SAXO1: variants seen among roughly 807,000 people sequenced by gnomAD.
The protein encoded by SAXO1 is stabilizer of axonemal microtubules 1.
Under a neutral mutation model 17.5 loss-of-function variants are expected in SAXO1, and 21 were observed. That is an observed-to-expected ratio of 1.20 (90% CI 0.85 to 1.72). The LOEUF is 1.72. Among genes scored for constraint, SAXO1 ranks in the 40% most tolerant of loss-of-function variants. The pLI, the probability that SAXO1 is intolerant of heterozygous loss-of-function variation, is 0.00. For missense variants in SAXO1, 843 were observed against 596.0 expected, an observed-to-expected ratio of 1.41 and a Z score of -4.32; for synonymous variants, 274 against 216.5, an observed-to-expected ratio of 1.27 and a Z score of -2.33.
At chr9:19,010,794 G>A (rs1834700692) in intron 1 of SAXO1, among the ~76,000 whole-genome samples, 1 of 152,208 alleles carries the variant, frequency 6.6e-6, no homozygotes, top group Non-Finnish European at 1.5e-5. Flanking sequence ...CAGGGGCAGT[G>A]AGGAGGGGAA....
At chr9:18,961,589 T>G in intron 1 of SAXO1, among the ~76,000 whole-genome samples, 1 of 152,096 alleles carries the variant, frequency 6.6e-6, no homozygotes, top group East Asian at 1.9e-4. Flanking sequence ...CATGTGGTGT[T>G]TGCTTTTCTG....
At chr9:19,040,778 G>C (rs1836060834) in intron 1 of SAXO1, among the ~76,000 whole-genome samples, 1 of 152,080 alleles carries the variant, frequency 6.6e-6, no homozygotes. Context: ...CAGTTGCCTG[G>C]GTCTCAGGGT....
intron 1 of SAXO1, among the ~76,000 whole-genome samples, chr9:18,961,411 C>G (rs1563945730): frequency 6.6e-6 from 1 of 152,180 alleles, no homozygotes; most frequent in Non-Finnish European, 1.5e-5. Flanking sequence ...CATAGGTATA[C>G]ATGTGCCATG....
At chr9:18,938,829 T>C (rs935829315) in intron 3 of SAXO1, among the ~76,000 whole-genome samples, 6 of 115,534 alleles carry the variant, frequency 5.2e-5, no homozygotes, top group Non-Finnish European at 1.1e-4. Context: ...TGCGTGTGTG[T>C]GTGTGTGTGT....
chr9:18,930,304 G>A (rs1183022082), intron 3 of SAXO1, among the ~76,000 whole-genome samples: 2 of 152,134 alleles, frequency 1.3e-5, no homozygotes, highest in Non-Finnish European at 2.9e-5. Context: ...TGGGAGGCCT[G>A]GACCCCAAGG....
intron 1 of SAXO1, among the ~76,000 whole-genome samples, chr9:19,015,993 ATTCTC>A (rs1255136885): frequency 6.6e-6 from 1 of 152,166 alleles, no homozygotes; most frequent in Non-Finnish European, 1.5e-5. Flanking sequence ...TCTCCAGTTG[ATTCTC>A]AGGTACACTG....
chr9:19,039,875 C>A (rs556128155), intron 1 of SAXO1, among the ~76,000 whole-genome samples: 5 of 151,816 alleles, frequency 3.3e-5, no homozygotes, highest in African/African-American at 7.3e-5. Context: ...ATTACAGGCG[C>A]CTGCCACCAC....
rs545091249 is a variant in SAXO1, at chr9:18,988,228, G to C, written c.39-37291C>G. On this transcript the variant is annotated intron_variant, in intron 1 of 3. Transcript: ENST00000380534. ...ATCAGCAATAAAAAAGCATTTATCA[G>C]TGATAAAGAGCACAGCATCTTCTGT... Among the ~76,000 whole-genome samples the C allele has an allele frequency of 3.0e-3, 460 of 152,336 alleles. 8 individuals are homozygous for C. The South Asian group carries it at 0.044, about 15-fold the overall frequency.
intron 2 of SAXO1, among the ~76,000 whole-genome samples, chr9:18,945,562 C>A (rs961181568): frequency 2.6e-5 from 4 of 152,204 alleles, no homozygotes; most frequent in African/African-American, 9.7e-5. Flanking sequence ...AGATCCTTGG[C>A]TGAATCACAG....
chr9:19,003,261 A>C (rs1322848360), intron 1 of SAXO1, among the ~76,000 whole-genome samples: 2 of 152,234 alleles, frequency 1.3e-5, no homozygotes, highest in African/African-American at 4.8e-5. Flanking sequence ...AACAAACGGA[A>C]GAATATTCCA....
intron 1 of SAXO1, among the ~76,000 whole-genome samples, chr9:18,991,331 G>A (rs1833802270): frequency 6.6e-6 from 1 of 152,156 alleles, no homozygotes; most frequent in Admixed American, 6.5e-5. Context: ...GTCCATCAAT[G>A]ACAGACTGGA....
intron 1 of SAXO1, among the ~76,000 whole-genome samples, chr9:19,019,456 G>T (rs1312455904): frequency 6.6e-6 from 1 of 151,902 alleles, no homozygotes; most frequent in Non-Finnish European, 1.5e-5. Flanking sequence ...GGCCGGACAA[G>T]GTTGGCTCAC....
chr9:19,010,366 A>C (rs1375079247), intron 1 of SAXO1, among the ~76,000 whole-genome samples: 1 of 151,996 alleles, frequency 6.6e-6, no homozygotes, highest in Non-Finnish European at 1.5e-5. Flanking sequence ...CTTTCCATCA[A>C]GCTCCCTTCT....
At chr9:19,047,381 A>G (rs1297135297) in intron 1 of SAXO1, among the ~76,000 whole-genome samples, 1 of 152,128 alleles carries the variant, frequency 6.6e-6, no homozygotes, top group African/African-American at 2.4e-5. Context: ...AAGAAAAAAA[A>G]TACATTAGAG....
rs185221164 is a variant in SAXO1, at chr9:19,004,667, G to A, written c.38+28204C>T. Among the ~76,000 whole-genome samples the A allele has an allele frequency of 2.0e-5, 3 of 152,264 alleles. No individual in the cohort carries two copies. In the East Asian group the frequency reaches 5.8e-4, roughly 29 times the overall value. On this transcript the variant is annotated intron_variant, in intron 1 of 3. Coordinates refer to ENST00000380534, the MANE Select transcript of SAXO1 (RefSeq NM_153707.4). ...CACTCACAAGTGGGAGTTGAACAATGAGAACACTTGGACACAGGGCGGGGA... is the reference window on the plus strand; with the variant it reads ...CACTCACAAGTGGGAGTTGAACAATAAGAACACTTGGACACAGGGCGGGGA...
Position 18,953,582 on chromosome 9 carries a change from T to C in SAXO1, c.39-2645A>G, listed in dbSNP as rs372881994. ...CCTTATGCAAAAATAAATGTTTCACTGCCTGAGTGTGCTCATGGAGTCATC... is the reference window on the plus strand; with the variant it reads ...CCTTATGCAAAAATAAATGTTTCACCGCCTGAGTGTGCTCATGGAGTCATC... On this transcript the variant is annotated intron_variant, in intron 1 of 3. Transcript: ENST00000380534. Among the ~76,000 whole-genome samples, 446 of 152,314 alleles carry C rather than the reference T, an allele frequency of 2.9e-3. 6 individuals are homozygous for C. The South Asian group carries it at 0.044, about 15-fold the overall frequency.
chr9:19,002,615 T>C (rs1304611822), intron 1 of SAXO1, among the ~76,000 whole-genome samples: 2 of 152,100 alleles, frequency 1.3e-5, no homozygotes, highest in African/African-American at 4.8e-5. Flanking sequence ...ATGCAATCCA[T>C]CACATGAACA....
intron 1 of SAXO1, among the ~76,000 whole-genome samples, chr9:18,953,974 A>T (rs1832140822): frequency 6.6e-6 from 1 of 152,238 alleles, no homozygotes; most frequent in Admixed American, 6.5e-5. Context: ...TTTAAAAGTA[A>T]GCTTGGCAGC....
chr9:18,968,293 C>T (rs1344009001), intron 1 of SAXO1, among the ~76,000 whole-genome samples: 2 of 152,168 alleles, frequency 1.3e-5, no homozygotes, highest in African/African-American at 4.8e-5. Flanking sequence ...AATCCACCTG[C>T]CTTGGCCTCC....
Sources: allele counts gnomAD v4.1 joint callset (sites outside exome capture counted in the v4.1 genomes callset), GRCh38; gene constraint gnomAD v4.1.1; transcripts MANE v1.5; gene names NCBI Gene and HGNC (gene_info 2026-07-23, HGNC 2026-07-21).